SBNO2: variants seen among roughly 807,000 people sequenced by gnomAD.
SBNO2 encodes strawberry notch homolog 2, also known as protein strawberry notch homolog 2.
Under a neutral mutation model 146.3 loss-of-function variants are expected in SBNO2, and 89 were observed. That is an observed-to-expected ratio of 0.61 (90% confidence interval 0.51 to 0.73). SBNO2 has a LOEUF of 0.73. Ranked by LOEUF, SBNO2 falls within the 30% of genes least tolerant of loss-of-function variation. The pLI is 0.00. For synonymous variants in SBNO2, 1,147 were observed against 892.6 expected (o/e 1.29, Z -5.08); for missense variants, 2,092 against 2,003.7 (o/e 1.04, Z -0.84).
intron 17 of SBNO2, chr19:1,115,639 G>A (rs917263944): frequency 3.3e-5 from 10 of 302,886 alleles, no homozygotes; most frequent in Non-Finnish European, 5.6e-5. Flanking sequence ...ACCAGACTTC[G>A]ACAGGCAGCT....
At chr19:1,123,699 C>T (rs1039664548) in intron 6 of SBNO2, 60 bp from the exon 7 acceptor site, 1 of 1,497,382 alleles carries the variant, frequency 6.7e-7, no homozygotes, top group Non-Finnish European at 9.1e-7. Context: ...GGGCACTGGG[C>T]TCCCCCAGGG....
chr19:1,147,432 T>C lies in SBNO2; in HGVS notation c.168-12A>G, dbSNP rs56808651. ...AGCTCATGAACGGGCTGGAGGGAGA[T>C]GGGGGGGGGGGAGGTGAGATGGGGT... On this transcript the variant is annotated splice_polypyrimidine_tract_variant and intron_variant, in intron 3 of 31. Transcript: ENST00000361757. 0.36 allele frequency: 233,959 copies of C among 647,500 alleles called. 31,766 individuals carry two copies. The highest frequency in any genetic ancestry group is 0.38 in the Non-Finnish European group (166,248 of 433,920). The allele number at this position is 647,500 out of a possible 1,614,324, so 40.1% of individuals were successfully genotyped here.
In SBNO2 at chr19:1,108,669, G is replaced by C; in HGVS notation, c.3652C>G (p.Leu1218Val). Residue 1218 changes from leucine (L) to valine (V), a missense_variant, in exon 32 of 32, where the codon CTG becomes GTG. Leu to Val is a conservative substitution (Grantham distance 32). Coordinates refer to ENST00000361757, the MANE Select transcript of SBNO2 (RefSeq NM_014963.3). ...GCATCCATCAGCCGCAGCTCCTGCAGCACCCGGCGCACGCAGCCCTCGGGG... is the reference window on the plus strand; with the variant it reads ...GCATCCATCAGCCGCAGCTCCTGCACCACCCGGCGCACGCAGCCCTCGGGG... ...KIPEGCVRRV[L>V]QELRLMDADV... is the part of the protein sequence containing the mutation. 6.5e-7 allele frequency: 1 copy of C among 1,528,414 alleles called. No individual in the cohort carries two copies. Among genetic ancestry groups the C allele is most frequent in the Non-Finnish European group, 8.7e-7 (1 of 1,145,658 alleles). The allele number at this position is 1,528,414 out of a possible 1,614,324, so 94.7% of individuals were successfully genotyped here. A position where few individuals can be genotyped will look rare whatever the true frequency, so the allele number is the denominator to read the frequency against.
At position 1,122,120 on chromosome 19, in the gene SBNO2, A is replaced by C. The variant is rs1445827871; in HGVS notation, c.1149+19T>G. 4 of 1,257,610 alleles carry C rather than the reference A, an allele frequency of 3.2e-6. No homozygotes were observed. Among genetic ancestry groups the C allele is most frequent in the Admixed American group, 4.0e-5 (1 of 25,218 alleles). 77.9% of individuals were successfully genotyped at this position (1,257,610 alleles called of 1,614,324 possible). A position where few individuals can be genotyped will look rare whatever the true frequency, so the allele number is the denominator to read the frequency against. The stretch of plus-strand genomic sequence containing the variant: ...CCCCTAATCCAGCCCTCCCCTCCCG[A>C]TTGCCCCCAGCAGGATACGACGCCC... On this transcript the variant is annotated intron_variant, in intron 11 of 31. Transcript: ENST00000361757.
chr19:1,115,977 G>A (rs2079826922), intron 17 of SBNO2, 44 bp downstream of exon 17: 2 of 1,438,620 alleles, frequency 1.4e-6, no homozygotes, highest in African/African-American at 1.5e-5. Context: ...GGGGGAGAAA[G>A]CAGAGGGGCA....
At chr19:1,145,469 G>A (rs556723464) in intron 4 of SBNO2, among the ~76,000 whole-genome samples, 28 of 141,398 alleles carry the variant, frequency 2.0e-4, no homozygotes, top group Non-Finnish European at 3.9e-4. Flanking sequence ...GCAAAACTCT[G>A]TCTCAAAAAA....
In SBNO2 at chr19:1,140,702, C is replaced by T. The variant is rs980932974; in HGVS notation, c.279+6607G>A. On this transcript the variant is annotated intron_variant, in intron 4 of 31. Coordinates refer to ENST00000361757, the MANE Select transcript of SBNO2 (RefSeq NM_014963.3). This position sits in a 1 kb window ranked among gnomAD's most constrained non-coding sequence, Gnocchi z 4.4. ...CAGGAGAAGGCACACGGAAAACAGA[C>T]GGACGCAGCAGGGATGCCCGCAGGC... Among the ~76,000 whole-genome samples, 31 of 152,200 alleles carry T rather than the reference C, an allele frequency of 2.0e-4. No homozygotes were observed. Among genetic ancestry groups the T allele is most frequent in the African/African-American group, 7.0e-4 (29 of 41,458 alleles).
chr19:1,114,055 C>T (rs746270855), intron 18 of SBNO2, among the ~76,000 whole-genome samples, 176 bp downstream of exon 18: 1 of 152,216 alleles, frequency 6.6e-6, no homozygotes, highest in African/African-American at 2.4e-5. Context: ...GTAAAGTGGG[C>T]ACCATAGCAG....
At chr19:1,171,162 T>G (rs2080473662) in intron 1 of SBNO2, among the ~76,000 whole-genome samples, 2 of 150,400 alleles carry the variant, frequency 1.3e-5, no homozygotes, top group Non-Finnish European at 3.0e-5. Context: ...AACACACGCG[T>G]ATGAAACACA....
At position 1,117,399 on chromosome 19, in the gene SBNO2, A is replaced by C; in HGVS notation, c.1628T>G (p.Phe543Cys). ...WGQFWSAHQR[F>C]FKYLCIAAKV... ...GGCTGCGATGCACAGATACTTGAAG[A>C]AGCGCTGGTGTGCCGACCAGAACTG... The change falls in exon 15 of 32, where the codon TTC (phenylalanine) becomes TGC (cysteine). Residue 543 changes from phenylalanine (F) to cysteine (C), a missense_variant. Transcript: ENST00000361757. The C allele has an allele frequency of 6.3e-7, 1 of 1,590,298 alleles. No individual in the cohort carries two copies. Among genetic ancestry groups the C allele is most frequent in the Non-Finnish European group, 8.5e-7 (1 of 1,169,816 alleles).
chr19:1,133,811 G>A (rs998240828), intron 4 of SBNO2, among the ~76,000 whole-genome samples: 12 of 152,144 alleles, frequency 7.9e-5, no homozygotes, highest in Non-Finnish European at 1.5e-4. Context: ...GCCACTCCCA[G>A]AGACAGCTCC....
intron 17 of SBNO2, chr19:1,115,265 A>G (rs1336986337): frequency 2.0e-5 from 2 of 100,086 alleles, no homozygotes; most frequent in African/African-American, 6.1e-5. Context: ...TTTTGAGACA[A>G]GAGTTTTTTC....
At chr19:1,143,732 C>T (rs1050101330) in intron 4 of SBNO2, among the ~76,000 whole-genome samples, 5 of 152,136 alleles carry the variant, frequency 3.3e-5, no homozygotes, top group Admixed American at 2.6e-4. Context: ...CTCATGAGGG[C>T]CCTGTGAGGA....
In SBNO2 at chr19:1,108,983, G is replaced by A. The variant is rs756259607; in HGVS notation, c.3426-14C>T. ...CAGTGCCGGTTCCTGCGGACGAGACGGGTCGTCTCGGCTCAGGCGGGTCCC... is the reference window on the plus strand; with the variant it reads ...CAGTGCCGGTTCCTGCGGACGAGACAGGTCGTCTCGGCTCAGGCGGGTCCC... On this transcript the variant is annotated splice_polypyrimidine_tract_variant and intron_variant, in intron 30 of 31. Coordinates refer to ENST00000361757, the MANE Select transcript of SBNO2 (RefSeq NM_014963.3). 4.0e-6 allele frequency: 6 copies of A among 1,505,128 alleles called. No homozygotes were observed. In the African/African-American group the frequency reaches 4.2e-5, roughly 10 times the overall value. 93.2% of individuals were successfully genotyped at this position (1,505,128 alleles called of 1,614,324 possible).
Position 1,111,050 on chromosome 19 carries a change from C to T in SBNO2, c.2853G>A (p.Glu951=). ...CCACGTCCAGGCAGCCATTCCGGGA[C>T]TCCCGGCCACCAATGCCCACAGACA... is the stretch of plus-strand genomic sequence containing the variant. ...GLLSVGIGGR[E]SRNGCLDVEK... is the part of the protein sequence containing the mutation. Residue 951 remains glutamate (E), a synonymous_variant, in exon 25 of 32, where the codon GAG becomes GAA. Transcript: ENST00000361757. The T allele has an allele frequency of 6.4e-7, 1 of 1,568,340 alleles. No individual in the cohort carries two copies. The highest frequency in any genetic ancestry group is 8.6e-7 in the Non-Finnish European group (1 of 1,157,630).
At chr19:1,169,443 CCT>C (rs1211586298) in intron 1 of SBNO2, among the ~76,000 whole-genome samples, 6 of 152,246 alleles carry the variant, frequency 3.9e-5, no homozygotes, top group Non-Finnish European at 5.9e-5. Context: ...CTGACTGGCC[CCT>C]GTGTGCCACC....
At chr19:1,118,950 C>A in intron 14 of SBNO2, 61 bp downstream of exon 14, 1 of 1,520,032 alleles carries the variant, frequency 6.6e-7, no homozygotes, top group Non-Finnish European at 8.8e-7. Context: ...TGCAAGGCCA[C>A]GGGGGAGCAA....
chr19:1,124,084 C>T (rs373055108), intron 5 of SBNO2, 62 bp from the exon 6 acceptor site: 37 of 1,501,036 alleles, frequency 2.5e-5, no homozygotes, highest in African/African-American at 2.8e-5. Flanking sequence ...GGTGGGCCCT[C>T]GCAGCCTGGC....
At chr19:1,145,144 G>A (rs1484820749) in intron 4 of SBNO2, among the ~76,000 whole-genome samples, 1 of 151,888 alleles carries the variant, frequency 6.6e-6, no homozygotes, top group Admixed American at 6.6e-5. Flanking sequence ...CTAGGAGCAG[G>A]GGGAAGAGGG....
Sources: gnomAD v4.1 joint callset for allele counts (sites outside exome capture counted in the v4.1 genomes callset) on GRCh38, gnomAD v4.1.1 for gene constraint, Gnocchi (gnomAD v3.1) non-coding constraint, MANE v1.5 for transcripts, NCBI Gene and HGNC (gene_info 2026-07-23, HGNC 2026-07-21) for gene names.